The following DCC variants were observed in gnomAD, a reference collection of about 807,000 sequenced individuals.
DCC encodes DCC netrin 1 receptor, also known as netrin receptor DCC.
Under a neutral mutation model 172.5 loss-of-function variants are expected in DCC, and 58 were observed. The ratio of observed to expected loss-of-function variants is 0.34; its 90% confidence interval spans 0.27 to 0.42. DCC has a LOEUF of 0.42. DCC is among the 10% of genes least tolerant of loss of function. The pLI, the probability that DCC is intolerant of heterozygous loss-of-function variation, is 1.00. For missense variants in DCC, 1,740 were observed against 1,791.0 expected, an observed-to-expected ratio of 0.97 and a Z score of 0.51; for synonymous variants, 709 against 644.5, an observed-to-expected ratio of 1.10 and a Z score of -1.52.
chr18:52,576,339 C>A (rs750891481), intron 1 of DCC, among the ~76,000 whole-genome samples: 6 of 152,098 alleles, frequency 3.9e-5, no homozygotes, highest in Non-Finnish European at 8.8e-5. Flanking sequence ...AATTGACTAG[C>A]GGGATTAAGG....
In DCC at chr18:52,598,924, C is replaced by T. The variant is rs1362399728; in HGVS notation, c.92-153130C>T. Among the ~76,000 whole-genome samples, 4 of 152,198 alleles carry T rather than the reference C, an allele frequency of 2.6e-5. No individual in the cohort carries two copies. In the South Asian group the frequency reaches 6.2e-4, roughly 24 times the overall value. On this transcript the variant is annotated intron_variant, in intron 1 of 28. Transcript: ENST00000442544. Reference sequence around the variant, plus strand: ...GCCGTGTCCTCCTATGGCAGAAGGGCAAGAGAAACAAACTTCCTCTATCAA... The same window carrying T: ...GCCGTGTCCTCCTATGGCAGAAGGGTAAGAGAAACAAACTTCCTCTATCAA...
At chr18:52,963,119 AAT>A (rs1318995259) in intron 5 of DCC, among the ~76,000 whole-genome samples, 1 of 151,822 alleles carries the variant, frequency 6.6e-6, no homozygotes, top group East Asian at 1.9e-4. Flanking sequence ...AAATTAAAAA[AAT>A]AAAAAAAAGT....
chr18:53,062,716 GA>G (rs1439682725), intron 5 of DCC, among the ~76,000 whole-genome samples: 1 of 152,080 alleles, frequency 6.6e-6, no homozygotes, highest in Non-Finnish European at 1.5e-5. Flanking sequence ...GCCATGCTGT[GA>G]AAATTATAAT....
chr18:52,906,506 CTTT>C (rs11322229), intron 3 of DCC, among the ~76,000 whole-genome samples, 178 bp downstream of exon 3: 2 of 139,674 alleles, frequency 1.4e-5, no homozygotes, highest in Non-Finnish European at 1.6e-5. Context: ...AAAAGCTGTT[CTTT>C]TTTTTTTTTT....
intron 1 of DCC, among the ~76,000 whole-genome samples, chr18:52,595,042 A>G (rs1422986304): frequency 3.3e-5 from 5 of 152,186 alleles, no homozygotes; most frequent in Non-Finnish European, 7.3e-5. Flanking sequence ...GAAGTTTTCT[A>G]CTGTAAAGAC....
intron 1 of DCC, among the ~76,000 whole-genome samples, chr18:52,431,350 A>C (rs1159113772): frequency 6.6e-6 from 1 of 152,188 alleles, no homozygotes; most frequent in African/African-American, 2.4e-5. Flanking sequence ...AAAAAAGATC[A>C]GCATTCACTT....
In DCC at chr18:52,585,641, G is replaced by A. The variant is rs145891347; in HGVS notation, c.92-166413G>A. Among the ~76,000 whole-genome samples the A allele has an allele frequency of 5.6e-3, 850 of 152,272 alleles. 9 individuals are homozygous for A. The highest frequency in any genetic ancestry group is 0.02 in the African/African-American group (822 of 41,570). ...TCAGAATTCTTTCTTTGGTGGACAT[G>A]TATGTCAAAGTTGAAGGTAGTTCTT... On this transcript the variant is annotated intron_variant, in intron 1 of 28. Coordinates refer to ENST00000442544, the MANE Select transcript of DCC (RefSeq NM_005215.4).
chr18:53,469,562 TCTGTTAGTG>T (rs1217469050), intron 25 of DCC, among the ~76,000 whole-genome samples: 1 of 152,206 alleles, frequency 6.6e-6, no homozygotes, highest in Non-Finnish European at 1.5e-5. Flanking sequence ...ATCTAATTGA[TCTGTTAGTG>T]CTGCTCTCTG....
chr18:52,394,664 G>A (rs1184618806), intron 1 of DCC, among the ~76,000 whole-genome samples: 1 of 151,996 alleles, frequency 6.6e-6, no homozygotes, highest in African/African-American at 2.4e-5. Context: ...CAGACCCTTA[G>A]GAGTTATTTC....
At chr18:52,840,858 C>A (rs544596684) in intron 2 of DCC, among the ~76,000 whole-genome samples, 3 of 151,998 alleles carry the variant, frequency 2.0e-5, no homozygotes, top group Admixed American at 2.0e-4. Flanking sequence ...CAGTGAACTA[C>A]AAAATGAAGT....
intron 7 of DCC, among the ~76,000 whole-genome samples, chr18:53,140,275 C>T (rs1443564110): frequency 2.6e-5 from 4 of 151,924 alleles, no homozygotes; most frequent in Non-Finnish European, 4.4e-5. Context: ...TGTTAAAACC[C>T]AAATTAAACA....
At chr18:52,714,820 G>A (rs568334236) in intron 1 of DCC, among the ~76,000 whole-genome samples, 2 of 152,296 alleles carry the variant, frequency 1.3e-5, no homozygotes, top group South Asian at 4.1e-4. Flanking sequence ...TTATTTAAAA[G>A]AGAAATGTTA....
At chr18:53,133,936 G>C (rs1212445084) in intron 7 of DCC, among the ~76,000 whole-genome samples, 1 of 152,156 alleles carries the variant, frequency 6.6e-6, no homozygotes, top group African/African-American at 2.4e-5. Context: ...AGTTAGGCTG[G>C]AAAAATAGTT....
At chr18:52,776,612 C>T (rs927706047) in intron 2 of DCC, among the ~76,000 whole-genome samples, 1 of 151,946 alleles carries the variant, frequency 6.6e-6, no homozygotes, top group Admixed American at 6.6e-5. Context: ...AAGTGCTGAG[C>T]CAGGTTGCAG....
chr18:53,345,411 G>T (rs2144883734), intron 15 of DCC, among the ~76,000 whole-genome samples: 2 of 152,074 alleles, frequency 1.3e-5, no homozygotes, highest in South Asian at 4.2e-4. Context: ...TATTCCTTTT[G>T]TTGTAATTGT....
chr18:52,510,960 G>T (rs1275806640), intron 1 of DCC, among the ~76,000 whole-genome samples: 1 of 152,128 alleles, frequency 6.6e-6, no homozygotes, highest in African/African-American at 2.4e-5. Flanking sequence ...CAGTGAAGGA[G>T]TTCACTTTTC....
chr18:53,006,194 G>A (rs1179295006), intron 5 of DCC, among the ~76,000 whole-genome samples: 1 of 152,116 alleles, frequency 6.6e-6, no homozygotes, highest in Admixed American at 6.6e-5. Context: ...AATTCAAACT[G>A]GCTTTATGTC....
At chr18:53,522,783 T>C (rs1205697072) in intron 27 of DCC, among the ~76,000 whole-genome samples, 1 of 152,136 alleles carries the variant, frequency 6.6e-6, no homozygotes, top group Non-Finnish European at 1.5e-5. Flanking sequence ...ATTAAAGACT[T>C]AAATGTAAGA....
chr18:53,211,867 G>A (rs2055758801), intron 11 of DCC, among the ~76,000 whole-genome samples: 1 of 152,086 alleles, frequency 6.6e-6, no homozygotes, highest in Non-Finnish European at 1.5e-5. Context: ...GGCCAACATA[G>A]TGAAATTCTG....
Sources: gnomAD v4.1 joint callset for allele counts (sites outside exome capture counted in the v4.1 genomes callset) on GRCh38, gnomAD v4.1.1 for gene constraint, MANE v1.5 for transcripts, NCBI Gene and HGNC (gene_info 2026-07-23, HGNC 2026-07-21) for gene names.